FOCAD: variants seen among roughly 807,000 people sequenced by gnomAD.
The protein encoded by FOCAD is focadhesin.
A neutral mutation model predicts 225.6 loss-of-function variants in FOCAD; 198 were observed. The ratio of observed to expected loss-of-function variants is 0.88; its 90% CI spans 0.78 to 0.99. FOCAD has a LOEUF of 0.99. Among genes scored for constraint, FOCAD ranks in the 50% least tolerant of loss-of-function variants. The pLI is 0.00. For missense variants in FOCAD, 2,713 were observed against 2,123.6 expected (o/e 1.28, Z -5.46); for synonymous variants, 897 against 755.0 (o/e 1.19, Z -3.08).
rs1821191052 is a variant in FOCAD, at chr9:20,797,027, TCCG to T, written c.1455+7420_1455+7422del. Among the ~76,000 whole-genome samples the T allele has an allele frequency of 2.6e-5, 4 of 152,348 alleles. No homozygotes were observed. The East Asian group carries it at 7.7e-4, about 29-fold the overall frequency. On this transcript the variant is annotated intron_variant, in intron 11 of 43. Transcript: ENST00000338382. ...AGGAAGGGATCCAGTTTCAGCTTTC[TCCG>T]TATGGCTAGCCAGTTTTCCCACCAT...
In FOCAD at chr9:20,722,991, A is replaced by T. The variant is rs530637149; in HGVS notation, c.287+2457A>T. On this transcript the variant is annotated intron_variant, in intron 4 of 43. Coordinates refer to ENST00000338382, the MANE Select transcript of FOCAD (RefSeq NM_001375567.1). ...AGTATCTTCTGTGTATTTGAGGTGT[A>T]ATTAGAGCAGGTTAGATTATACCTT... is the stretch of plus-strand genomic sequence containing the variant. 9.2e-5 allele frequency among the ~76,000 whole-genome samples: 14 copies of T among 152,334 alleles called. No individual in the cohort carries two copies. The South Asian group carries it at 1.9e-3, about 20-fold the overall frequency.
rs374697029 is a variant in FOCAD at position 20,911,425 on chromosome 9, A to G, written c.2719-1441A>G. On this transcript the variant is annotated intron_variant, in intron 22 of 43. Coordinates refer to ENST00000338382, the MANE Select transcript of FOCAD (RefSeq NM_001375567.1). ...GTGAGCAACTTTGAGAAGTACAAGG[A>G]CATATAACTTTATAGTCTGGATATT... Among the ~76,000 whole-genome samples the G allele has an allele frequency of 8.5e-5, 13 of 152,256 alleles. 1 individual carries two copies. The highest frequency in any genetic ancestry group is 3.1e-4 in the African/African-American group (13 of 41,568).
Position 20,720,384 on chromosome 9 carries a change from C to T in FOCAD, c.137C>T (p.Pro46Leu), listed in dbSNP as rs1196386920. The change falls in exon 4 of 44, where the codon CCT becomes CTT. Residue 46 changes from proline to leucine, a missense_variant. Physicochemically the swap from Pro to Leu is moderately conservative, Grantham distance 98. Coordinates refer to ENST00000338382, the MANE Select transcript of FOCAD (RefSeq NM_001375567.1). ...EKIHQSTNQT[P>L]ALNLLWEKCC... ...TAATCACTGGTTTGGTTTCAGACTC[C>T]TGCTTTGAACTTGCTGTGGGAGAAG... The T allele has an allele frequency of 6.2e-7, 1 of 1,613,754 alleles. No homozygotes were observed. Among genetic ancestry groups the T allele is most frequent in the East Asian group, 2.2e-5 (1 of 44,870 alleles).
chr9:20,933,822 A>C (rs889468952), intron 28 of FOCAD, among the ~76,000 whole-genome samples: 20 of 151,890 alleles, frequency 1.3e-4, no homozygotes, highest in South Asian at 1.0e-3. Flanking sequence ...ACTAGTTTAC[A>C]CTCCCACTAG....
intron 22 of FOCAD, among the ~76,000 whole-genome samples, chr9:20,911,207 C>G (rs1833410076): frequency 6.6e-6 from 1 of 151,936 alleles, no homozygotes; most frequent in South Asian, 2.1e-4. Context: ...AATGAAAGGG[C>G]CAGAATTCTA....
At chr9:20,907,947 T>C (rs1308873256) in intron 22 of FOCAD, among the ~76,000 whole-genome samples, 1 of 152,096 alleles carries the variant, frequency 6.6e-6, no homozygotes, top group East Asian at 1.9e-4. Flanking sequence ...TCTGTACTCC[T>C]AAGGACAGGA....
chr9:20,976,404 T>C lies in FOCAD; in HGVS notation c.4133-16T>C. ...TATGCAGGTGTTTTACTATTATTTTTCACTGTCTGTTATAGGTCCTGAATC... is the reference window on the plus strand; with the variant it reads ...TATGCAGGTGTTTTACTATTATTTTCCACTGTCTGTTATAGGTCCTGAATC... On this transcript the variant is annotated splice_polypyrimidine_tract_variant and intron_variant, in intron 35 of 43. Transcript: ENST00000338382. 1.9e-6 allele frequency: 3 copies of C among 1,610,386 alleles called. No homozygotes were observed. The highest frequency in any genetic ancestry group is 2.5e-6 in the Non-Finnish European group (3 of 1,177,594).
chr9:20,720,965 A>G (rs1437256831), intron 4 of FOCAD, among the ~76,000 whole-genome samples: 1 of 152,192 alleles, frequency 6.6e-6, no homozygotes, highest in Non-Finnish European at 1.5e-5. Context: ...TTTCTCAAAT[A>G]TTTTGTGATT....
chr9:20,900,692 A>G (rs1172513744), intron 21 of FOCAD, among the ~76,000 whole-genome samples: 1 of 151,974 alleles, frequency 6.6e-6, no homozygotes, highest in East Asian at 1.9e-4. Flanking sequence ...CATTTCCCCT[A>G]GAAAATACTG....
In FOCAD at chr9:20,908,993, G is replaced by T. The variant is rs559581144; in HGVS notation, c.2718+1751G>T. ...TATCTTTGATGCATTAATAAAGGAT[G>T]TTCAAAATGCTATGGGCACCTGGAG... On this transcript the variant is annotated intron_variant, in intron 22 of 43. Transcript: ENST00000338382. 2.1e-3 allele frequency among the ~76,000 whole-genome samples: 313 copies of T among 152,116 alleles called. 2 individuals carry two copies. The highest frequency in any genetic ancestry group is 7.2e-3 in the African/African-American group (298 of 41,520).
chr9:20,820,439 T>C lies in FOCAD; in HGVS notation c.1662+14T>C, dbSNP rs1245046259. 1.3e-6 allele frequency: 2 copies of C among 1,590,808 alleles called. No individual in the cohort carries two copies. The highest frequency in any genetic ancestry group is 1.7e-6 in the Non-Finnish European group (2 of 1,159,866). ...TGGGAAAAGCAGGTAATTTCAGATATACACTTGCATGAGTATTAAATATGT... is the reference window on the plus strand; with the variant it reads ...TGGGAAAAGCAGGTAATTTCAGATACACACTTGCATGAGTATTAAATATGT... On this transcript the variant is annotated intron_variant, in intron 13 of 43. Coordinates refer to ENST00000338382, the MANE Select transcript of FOCAD (RefSeq NM_001375567.1).
intron 1 of FOCAD, among the ~76,000 whole-genome samples, chr9:20,698,298 T>C (rs1010170918): frequency 3.9e-5 from 6 of 152,158 alleles, no homozygotes; most frequent in Admixed American, 1.3e-4. Flanking sequence ...TTTGCCTATT[T>C]GTTTTTTTAA....
chr9:20,912,782 G>T (rs1216779879), intron 22 of FOCAD, 84 bp from the exon 23 acceptor site: 1 of 1,082,898 alleles, frequency 9.2e-7, no homozygotes. Context: ...AAATGGAAAA[G>T]GATATATCTG....
At chr9:20,977,498 G>A (rs1226227603) in intron 36 of FOCAD, among the ~76,000 whole-genome samples, 1 of 152,138 alleles carries the variant, frequency 6.6e-6, no homozygotes, top group Non-Finnish European at 1.5e-5. Flanking sequence ...ATAATTTAAT[G>A]TACTTGTTCC....
chr9:20,740,615 A>G (rs974479408), intron 5 of FOCAD, among the ~76,000 whole-genome samples: 3 of 152,174 alleles, frequency 2.0e-5, no homozygotes, highest in African/African-American at 7.2e-5. Flanking sequence ...TTACTCTAGA[A>G]TATGTAACCA....
chr9:20,992,031 G>C (rs1397103390), intron 42 of FOCAD, among the ~76,000 whole-genome samples: 4 of 152,082 alleles, frequency 2.6e-5, no homozygotes, highest in Non-Finnish European at 4.4e-5. Flanking sequence ...AGGGAATTAG[G>C]AATATTTTCT....
At chr9:20,927,430 C>G (rs1293605273) in intron 26 of FOCAD, among the ~76,000 whole-genome samples, 1 of 151,858 alleles carries the variant, frequency 6.6e-6, no homozygotes, top group Non-Finnish European at 1.5e-5. Context: ...GCTTTGCCAA[C>G]TTTCTAAAAA....
In FOCAD at chr9:20,755,464, A is replaced by G. The variant is rs143188910; in HGVS notation, c.393-2626A>G. Among the ~76,000 whole-genome samples the G allele has an allele frequency of 4.5e-3, 680 of 152,128 alleles. 5 individuals carry two copies. Among genetic ancestry groups the G allele is most frequent in the African/African-American group, 0.015 (626 of 41,506 alleles). On this transcript the variant is annotated intron_variant, in intron 5 of 43. Transcript: ENST00000338382. ...TTAATCTCATTTTATACTATTTTTT[A>G]TTTCTGTTGACCTGATTCAATTTGG...
chr9:20,729,015 G>C (rs1826442852), intron 4 of FOCAD, among the ~76,000 whole-genome samples: 1 of 152,180 alleles, frequency 6.6e-6, no homozygotes, highest in South Asian at 2.1e-4. Context: ...ATATGAGGCA[G>C]CCAGACTGAG....
Sources: allele counts gnomAD v4.1 joint callset (sites outside exome capture counted in the v4.1 genomes callset), GRCh38; gene constraint gnomAD v4.1.1; transcripts MANE v1.5; gene names NCBI Gene and HGNC (gene_info 2026-07-23, HGNC 2026-07-21).